PIEZO2: variants seen among roughly 807,000 people sequenced by gnomAD.
The protein encoded by PIEZO2 is piezo type mechanosensitive ion channel component 2.
A neutral mutation model predicts 337.3 loss-of-function variants in PIEZO2; 172 were observed. That is an observed-to-expected ratio of 0.51 (90% CI 0.45 to 0.58). PIEZO2 has a LOEUF of 0.58. Ranked by LOEUF, PIEZO2 falls within the 20% of genes least tolerant of loss-of-function variation. The pLI is 0.00. For missense variants in PIEZO2, 3,028 were observed against 3,391.3 expected, an observed-to-expected ratio of 0.89 and a Z score of 2.66; for synonymous variants, 1,251 against 1,228.5, an observed-to-expected ratio of 1.02 and a Z score of -0.38.
chr18:10,972,481 G>A (rs970406183), intron 3 of PIEZO2, among the ~76,000 whole-genome samples: 1 of 152,116 alleles, frequency 6.6e-6, no homozygotes, highest in Admixed American at 6.5e-5. Context: ...GTGAGAGACT[G>A]CGGTGGAGAG....
At chr18:10,921,764 A>T (rs542611403) in intron 3 of PIEZO2, among the ~76,000 whole-genome samples, 109 of 152,268 alleles carry the variant, frequency 7.2e-4, no homozygotes, top group Admixed American at 1.4e-3. Flanking sequence ...ATATCACTGA[A>T]TTCTTTTTCT....
intron 7 of PIEZO2, among the ~76,000 whole-genome samples, chr18:10,844,020 A>G (rs2041273417): frequency 6.6e-6 from 1 of 152,216 alleles, no homozygotes; most frequent in Admixed American, 6.5e-5. Context: ...ACATATTACT[A>G]TGTCGGCTTA....
At chr18:11,076,333 CT>C (rs2145962319) in intron 1 of PIEZO2, among the ~76,000 whole-genome samples, 1 of 152,172 alleles carries the variant, frequency 6.6e-6, no homozygotes, top group East Asian at 1.9e-4. Flanking sequence ...GAAAACAAGA[CT>C]TTTACAAGAT....
intron 4 of PIEZO2, among the ~76,000 whole-genome samples, chr18:10,904,044 C>G (rs189208941): frequency 6.6e-6 from 1 of 152,056 alleles, no homozygotes; most frequent in African/African-American, 2.4e-5. Flanking sequence ...TAGCATGTAA[C>G]TCATAAAAAT....
intron 2 of PIEZO2, among the ~76,000 whole-genome samples, chr18:11,023,827 C>T (rs569111818): frequency 4.3e-4 from 65 of 152,320 alleles, no homozygotes; most frequent in African/African-American, 8.9e-4. Context: ...AGAATTCGAG[C>T]GCAGCGCCGG....
At position 11,002,680 on chromosome 18, in the gene PIEZO2, T is replaced by C. The variant is rs374638499; in HGVS notation, c.161-23020A>G. Among the ~76,000 whole-genome samples the C allele has an allele frequency of 4.6e-5, 7 of 152,350 alleles. No homozygotes were observed. In the East Asian group the frequency reaches 9.7e-4, roughly 21 times the overall value. ...AGACAGTTGCTTTGTTGCAATGTTT[T>C]ACTGGCGGCGGCGGGGAACACATTC... On this transcript the variant is annotated intron_variant, in intron 2 of 55. Transcript: ENST00000674853. The surrounding 1 kb of genome is among the most constrained non-coding windows in gnomAD (Gnocchi z 4.3).
rs367732540 is a variant in PIEZO2, at chr18:10,797,428, G to A, written c.1473C>T (p.Ser491=). The A allele has an allele frequency of 7.8e-6, 12 of 1,536,942 alleles. No individual in the cohort carries two copies. Among genetic ancestry groups the A allele is most frequent in the East Asian group, 4.9e-5 (2 of 40,888 alleles). ...KRSIKVHAMV[S]VFQFIMKQSY... The stretch of plus-strand genomic sequence containing the variant: ...TTTGTTTCATAATAAATTGGAATAC[G>A]GAGACCATGGCATGAACTTTGATAC... Residue 491 remains serine (S), a synonymous_variant, in exon 12 of 56, where the codon TCC becomes TCT. Transcript: ENST00000674853.
rs2041056516 is a variant in PIEZO2, at chr18:10,837,592, A to G, written c.917+17761T>C. ...CAAAATTCTATGGTACAATCTATGT[A>G]AGAAAAGGCCTAAAATCTAACTGTG... is the stretch of plus-strand genomic sequence containing the variant. On this transcript the variant is annotated intron_variant, in intron 7 of 55. Transcript: ENST00000674853. The surrounding 1 kb of genome is among the most constrained non-coding windows in gnomAD (Gnocchi z 4.4). 6.6e-6 allele frequency among the ~76,000 whole-genome samples: 1 copy of G among 152,230 alleles called. No homozygotes were observed. The highest frequency in any genetic ancestry group is 1.5e-5 in the Non-Finnish European group (1 of 68,044).
chr18:10,805,299 A>G (rs1475459798), intron 8 of PIEZO2, among the ~76,000 whole-genome samples: 1 of 152,214 alleles, frequency 6.6e-6, no homozygotes, highest in Non-Finnish European at 1.5e-5. Context: ...GAATTACCTG[A>G]GCTCAGGAGT....
chr18:10,845,217 C>A (rs201867811), intron 7 of PIEZO2, among the ~76,000 whole-genome samples: 5 of 125,020 alleles, frequency 4.0e-5, no homozygotes, highest in African/African-American at 6.0e-5. Flanking sequence ...TATATATAAA[C>A]ACACACACAC....
At chr18:10,816,759 A>T (rs1322817244) in intron 7 of PIEZO2, among the ~76,000 whole-genome samples, 1 of 152,174 alleles carries the variant, frequency 6.6e-6, no homozygotes, top group Non-Finnish European at 1.5e-5. Flanking sequence ...TGTCTTAGGG[A>T]GGATTTCAAT....
intron 5 of PIEZO2, among the ~76,000 whole-genome samples, chr18:10,857,978 G>A (rs543590408): frequency 1.3e-5 from 2 of 150,306 alleles, no homozygotes; most frequent in Admixed American, 6.6e-5. Flanking sequence ...GAAGGGTTAC[G>A]ACTTTTTCTT....
At chr18:10,868,952 G>T (rs1037573394) in intron 5 of PIEZO2, among the ~76,000 whole-genome samples, 4 of 152,074 alleles carry the variant, frequency 2.6e-5, no homozygotes, top group Non-Finnish European at 5.9e-5. Context: ...GTTATGAATG[G>T]CACAGAAGAG....
intron 24 of PIEZO2, among the ~76,000 whole-genome samples, chr18:10,760,390 T>C (rs2038075436): frequency 1.3e-5 from 2 of 152,224 alleles, no homozygotes; most frequent in Admixed American, 6.5e-5. Context: ...CTGCAACCTC[T>C]GCCTCCTGGG....
chr18:10,783,726 C>G lies in PIEZO2; in HGVS notation c.2492+1058G>C, dbSNP rs2039112983. ...CTTGGTTCCATGGGTTACGAGTCAT[C>G]TGAAGTATCAGAATGATAGGCGAAA... On this transcript the variant is annotated intron_variant, in intron 17 of 55. Transcript: ENST00000674853. The surrounding 1 kb of genome is among the most constrained non-coding windows in gnomAD (Gnocchi z 4.3). Among the ~76,000 whole-genome samples, 1 of 152,134 alleles carries G rather than the reference C, an allele frequency of 6.6e-6. No individual in the cohort carries two copies. The highest frequency in any genetic ancestry group is 6.5e-5 in the Admixed American group (1 of 15,270).
In PIEZO2 at chr18:11,035,330, T is replaced by C. The variant is rs1447469371; in HGVS notation, c.160+30797A>G. On this transcript the variant is annotated intron_variant, in intron 2 of 55. Transcript: ENST00000674853. The surrounding 1 kb of genome is among the most constrained non-coding windows in gnomAD (Gnocchi z 4.3). ...CTCTCTCTCCCTCTCTCTCTCTCTC[T>C]CTCTTTCTCTCTCTCTCATTCCCTC... 7.0e-6 allele frequency among the ~76,000 whole-genome samples: 1 copy of C among 142,248 alleles called. No individual in the cohort carries two copies. The highest frequency in any genetic ancestry group is 7.0e-5 in the Admixed American group (1 of 14,218). 93.3% of individuals were successfully genotyped at this position (142,248 alleles called of 152,430 possible).
rs2041830949 is a variant in PIEZO2 at position 10,859,987 on chromosome 18, C to G, written c.493-2776G>C. The stretch of plus-strand genomic sequence containing the variant: ...GTGGGGAGGAAGGATAGATGATAAT[C>G]AGGGTAGCTCCTCTATTTTTGTCTA... On this transcript the variant is annotated intron_variant, in intron 5 of 55. Transcript: ENST00000674853. The surrounding 1 kb of genome is among the most constrained non-coding windows in gnomAD (Gnocchi z 4.9). Among the ~76,000 whole-genome samples the G allele has an allele frequency of 6.6e-6, 1 of 152,062 alleles. No individual in the cohort carries two copies. The highest frequency in any genetic ancestry group is 1.5e-5 in the Non-Finnish European group (1 of 68,022).
At chr18:10,699,933 C>A (rs1196725125) in intron 43 of PIEZO2, among the ~76,000 whole-genome samples, 5 of 152,146 alleles carry the variant, frequency 3.3e-5, no homozygotes, top group African/African-American at 1.2e-4. Flanking sequence ...GAGCTCCAGG[C>A]CAATTTGTCA....
In PIEZO2 at chr18:10,813,099, C is replaced by G. The variant is rs1234069679; in HGVS notation, c.918-5825G>C. On this transcript the variant is annotated intron_variant, in intron 7 of 55. Transcript: ENST00000674853. The surrounding 1 kb of genome is among the most constrained non-coding windows in gnomAD (Gnocchi z 4.2). The stretch of plus-strand genomic sequence containing the variant: ...GGCTCAAGTGATTCTCCTGCCTCAG[C>G]CTCCGGAGTATCTAGGATTACAGGC... 2.0e-5 allele frequency among the ~76,000 whole-genome samples: 3 copies of G among 152,022 alleles called. No homozygotes were observed. The East Asian group carries it at 5.8e-4, about 30-fold the overall frequency.
Sources: allele counts gnomAD v4.1 joint callset (sites outside exome capture counted in the v4.1 genomes callset), GRCh38; gene constraint gnomAD v4.1.1; non-coding constraint Gnocchi (gnomAD v3.1); transcripts MANE v1.5; gene names NCBI Gene and HGNC (gene_info 2026-07-23, HGNC 2026-07-21).